LRMDA: variants seen among roughly 807,000 people sequenced by gnomAD.
LRMDA encodes leucine rich melanocyte differentiation associated, also known as leucine-rich melanocyte differentiation-associated protein.
In LRMDA, 18 loss-of-function variants were observed where a neutral mutation model predicts 29.8. That is an observed-to-expected ratio of 0.60 (90% CI 0.42 to 0.90). LRMDA has a LOEUF of 0.90. Among genes scored for constraint, LRMDA ranks in the 40% least tolerant of loss-of-function variants. The pLI is 0.00. For synonymous variants in LRMDA, 125 were observed against 109.4 expected, an observed-to-expected ratio of 1.14 and a Z score of -0.89; for missense variants, 273 against 273.9, an observed-to-expected ratio of 1.00 and a Z score of 0.02.
At chr10:75,456,036 T>C (rs1354081507) in intron 2 of LRMDA, among the ~76,000 whole-genome samples, 1 of 152,202 alleles carries the variant, frequency 6.6e-6, no homozygotes, top group African/African-American at 2.4e-5. Flanking sequence ...TGTAGCGTAG[T>C]GGTGATTCTG....
intron 1 of LRMDA, among the ~76,000 whole-genome samples, chr10:75,432,448 T>G (rs183499635): frequency 1.1e-3 from 167 of 152,358 alleles, no homozygotes; most frequent in South Asian, 3.7e-3. Context: ...TGCTTTGAGC[T>G]CTGTAGTGAA....
At chr10:75,948,072 C>T (rs1341845535) in intron 2 of LRMDA, among the ~76,000 whole-genome samples, 1 of 152,162 alleles carries the variant, frequency 6.6e-6, no homozygotes, top group Non-Finnish European at 1.5e-5. Context: ...CTCACATGCC[C>T]ACTGTATAAT....
intron 6 of LRMDA, among the ~76,000 whole-genome samples, chr10:76,444,006 G>A (rs1842329282): frequency 6.6e-6 from 1 of 152,086 alleles, no homozygotes; most frequent in Non-Finnish European, 1.5e-5. Flanking sequence ...GTGGATGAGC[G>A]CCGACTCACC....
At chr10:75,750,619 C>CTGCAATCTCTGCACTTTGG (rs1842951280) in intron 2 of LRMDA, among the ~76,000 whole-genome samples, 1 of 145,872 alleles carries the variant, frequency 6.9e-6, no homozygotes, top group African/African-American at 2.6e-5. Context: ...CGGGCAGAGG[C>CTGCAATCTCTGCACTTTGG]GCTCCTCACA....
At chr10:75,480,949 T>C (rs1165872800) in intron 2 of LRMDA, among the ~76,000 whole-genome samples, 1 of 151,840 alleles carries the variant, frequency 6.6e-6, no homozygotes, top group African/African-American at 2.4e-5. Flanking sequence ...GGGTTTTTTG[T>C]TGGAACAACT....
chr10:76,194,146 A>C (rs1021426547), intron 5 of LRMDA, among the ~76,000 whole-genome samples: 1 of 152,212 alleles, frequency 6.6e-6, no homozygotes, highest in Non-Finnish European at 1.5e-5. Context: ...GGACTAGAGT[A>C]TGAAGAATTT....
intron 2 of LRMDA, among the ~76,000 whole-genome samples, chr10:75,958,743 G>A (rs1247054983): frequency 6.6e-6 from 1 of 152,166 alleles, no homozygotes; most frequent in Non-Finnish European, 1.5e-5. Context: ...TTTTCACATT[G>A]CTGATAAAGA....
intron 2 of LRMDA, chr10:75,742,895 T>C (rs2132211443): frequency 6.6e-6 from 1 of 152,354 alleles, no homozygotes; most frequent in South Asian, 2.1e-4. Flanking sequence ...TGAGAATCAC[T>C]TTAATGTATG....
At chr10:75,641,628 C>T (rs769018626) in intron 2 of LRMDA, among the ~76,000 whole-genome samples, 14 of 151,696 alleles carry the variant, frequency 9.2e-5, no homozygotes, top group Admixed American at 4.6e-4. Context: ...TTTGTGGAGA[C>T]GGGGTTTTGT....
intron 5 of LRMDA, among the ~76,000 whole-genome samples, chr10:76,291,348 T>A (rs948319629): frequency 3.9e-5 from 6 of 152,254 alleles, no homozygotes; most frequent in Non-Finnish European, 8.8e-5. Flanking sequence ...CATGATGTCA[T>A]AATAATTTAA....
intron 5 of LRMDA, among the ~76,000 whole-genome samples, chr10:76,201,972 C>T (rs1851440232): frequency 6.6e-6 from 1 of 152,000 alleles, no homozygotes; most frequent in Admixed American, 6.5e-5. Flanking sequence ...GCTGGGGACC[C>T]TAGGATGGCT....
At chr10:75,714,262 CT>C (rs1407059841) in intron 2 of LRMDA, among the ~76,000 whole-genome samples, 2 of 152,200 alleles carry the variant, frequency 1.3e-5, no homozygotes, top group Admixed American at 1.3e-4. Flanking sequence ...CATAGATTAT[CT>C]ATCACTCTGA....
At chr10:75,682,897 G>T (rs1384708190) in intron 2 of LRMDA, among the ~76,000 whole-genome samples, 3 of 152,160 alleles carry the variant, frequency 2.0e-5, no homozygotes, top group Non-Finnish European at 2.9e-5. Context: ...ATAGAGGGCT[G>T]CTTTCCCTTT....
intron 5 of LRMDA, among the ~76,000 whole-genome samples, chr10:76,077,468 A>G (rs61511140): frequency 0.02 from 3,049 of 152,192 alleles, 116 homozygotes; most frequent in African/African-American, 0.07. Flanking sequence ...AATTTATGCT[A>G]TCCATGACCA....
Position 76,343,149 on chromosome 10 carries a change from A to C in LRMDA, c.601+18664A>C, listed in dbSNP as rs78081756. 4.6e-3 allele frequency among the ~76,000 whole-genome samples: 700 copies of C among 152,290 alleles called. 3 individuals carry two copies. Among genetic ancestry groups the C allele is most frequent in the Non-Finnish European group, 6.9e-3 (470 of 68,026 alleles). On this transcript the variant is annotated intron_variant, in intron 6 of 6. Coordinates refer to ENST00000611255, the MANE Select transcript of LRMDA (RefSeq NM_001305581.2). ...ACAAGCTGGCTTTTGCATAACATGG[A>C]GCTGATCCCAATGCTATTTAAACTG...
intron 2 of LRMDA, among the ~76,000 whole-genome samples, chr10:75,664,881 TAAAGG>T (rs1257324118): frequency 6.6e-6 from 1 of 152,126 alleles, no homozygotes; most frequent in Non-Finnish European, 1.5e-5. Flanking sequence ...AGAGATGTGA[TAAAGG>T]AACCACTAGA....
intron 2 of LRMDA, among the ~76,000 whole-genome samples, chr10:75,749,339 G>A (rs1842925651): frequency 6.6e-6 from 1 of 152,074 alleles, no homozygotes; most frequent in Non-Finnish European, 1.5e-5. Flanking sequence ...GGAGCCAAAA[G>A]TTTTATGTGA....
chr10:75,898,772 C>A (rs2132362108), intron 2 of LRMDA, among the ~76,000 whole-genome samples: 1 of 152,294 alleles, frequency 6.6e-6, no homozygotes, highest in Admixed American at 6.5e-5. Flanking sequence ...AAGGTACAGA[C>A]TAATTCATAG....
chr10:76,399,378 G>A (rs142749591), intron 6 of LRMDA, among the ~76,000 whole-genome samples: 31 of 152,148 alleles, frequency 2.0e-4, no homozygotes, highest in Non-Finnish European at 8.8e-5. Context: ...GTCCTCTTCC[G>A]GCCCTTCTGA....
Sources: gnomAD v4.1 joint callset for allele counts (sites outside exome capture counted in the v4.1 genomes callset) on GRCh38, gnomAD v4.1.1 for gene constraint, MANE v1.5 for transcripts, NCBI Gene and HGNC (gene_info 2026-07-23, HGNC 2026-07-21) for gene names.